CRYL1: variants seen among roughly 807,000 people sequenced by gnomAD.
CRYL1 encodes the protein crystallin lambda 1, also known as lambda-crystallin homolog.
A neutral mutation model predicts 36.6 loss-of-function variants in CRYL1; 29 were observed. The ratio of observed to expected loss-of-function variants is 0.79; its 90% confidence interval spans 0.59 to 1.08. The LOEUF (loss-of-function observed/expected upper bound fraction) is 1.08, where lower values mean the gene tolerates loss of function less well. Ranked by LOEUF, CRYL1 falls within the 50% of genes least tolerant of loss-of-function variation. CRYL1 has a pLI of 0.00. For synonymous variants in CRYL1, 152 were observed against 151.5 expected (o/e 1.00, Z -0.02); for missense variants, 411 against 407.9 (o/e 1.01, Z -0.06).
chr13:20,426,046 T>A (rs1035228814), intron 5 of CRYL1, among the ~76,000 whole-genome samples: 3 of 151,992 alleles, frequency 2.0e-5, no homozygotes, highest in Admixed American at 2.0e-4. Flanking sequence ...ACAATTTGCA[T>A]CCCTGCTCAG....
chr13:20,511,790 C>T (rs975277329), intron 2 of CRYL1, among the ~76,000 whole-genome samples: 1 of 152,210 alleles, frequency 6.6e-6, no homozygotes, highest in African/African-American at 2.4e-5. Context: ...GGCTTCTTTC[C>T]CCTGTCCTTG....
chr13:20,437,468 T>C (rs940750802), intron 4 of CRYL1, among the ~76,000 whole-genome samples: 3 of 152,088 alleles, frequency 2.0e-5, no homozygotes, highest in Non-Finnish European at 4.4e-5. Flanking sequence ...CCACCTCACC[T>C]GGCTAATTTT....
At chr13:20,520,293 C>T (rs1443780682) in intron 1 of CRYL1, among the ~76,000 whole-genome samples, 3 of 151,896 alleles carry the variant, frequency 2.0e-5, no homozygotes, top group Non-Finnish European at 2.9e-5. Context: ...AGAGAGGGTG[C>T]TTTTCTGTTT....
At chr13:20,456,629 CACACACACA>C (rs1032260337) in intron 3 of CRYL1, among the ~76,000 whole-genome samples, 5 of 39,920 alleles carry the variant, frequency 1.3e-4, no homozygotes, top group African/African-American at 5.1e-4. Flanking sequence ...CACACACACA[CACACACACA>C]AAGACCACGA....
intron 3 of CRYL1, among the ~76,000 whole-genome samples, chr13:20,445,206 C>G (rs1474291656): frequency 1.3e-5 from 2 of 152,046 alleles, no homozygotes; most frequent in African/African-American, 4.8e-5. Flanking sequence ...AGTGGGGAAC[C>G]CAGAGATATA....
intron 6 of CRYL1, among the ~76,000 whole-genome samples, chr13:20,411,045 GTTCTAGAT>G (rs1300275372): frequency 6.6e-6 from 1 of 152,298 alleles, no homozygotes; most frequent in East Asian, 1.9e-4. Flanking sequence ...ATTTGCACTA[GTTCTAGAT>G]AAATGGTAGC....
chr13:20,431,869 C>T, intron 5 of CRYL1: 1 of 1,475,840 alleles, frequency 6.8e-7, no homozygotes, highest in Non-Finnish European at 9.0e-7. Context: ...GTCCTGGTAT[C>T]AGGTGACTGT....
chr13:20,519,894 G>A (rs1300874779), intron 1 of CRYL1, among the ~76,000 whole-genome samples: 1 of 75,700 alleles, frequency 1.3e-5, no homozygotes, highest in Non-Finnish European at 3.5e-5. Flanking sequence ...AAGATATTAA[G>A]GAATTGTGTT....
rs373543552 is a variant in CRYL1 at position 20,432,289 on chromosome 13, G to T, written c.446C>A (p.Pro149Gln). 1.9e-6 allele frequency: 3 copies of T among 1,610,572 alleles called. No individual in the cohort carries two copies. Among genetic ancestry groups the T allele is most frequent in the Non-Finnish European group, 2.5e-6 (3 of 1,177,750 alleles). ...CTCAACCAGCGGGATGTAGTATGGCGGATTCACCTTAGGAGAGAGAGAGAA... is the reference window on the plus strand; with the variant it reads ...CTCAACCAGCGGGATGTAGTATGGCTGATTCACCTTAGGAGAGAGAGAGAA... ...KQCIVAHPVN[P>Q]PYYIPLVELV... The change falls in exon 5 of 8, where the codon CCG becomes CAG. Residue 149 changes from proline to glutamine, a missense_variant. Transcript: ENST00000298248.
intron 3 of CRYL1, among the ~76,000 whole-genome samples, chr13:20,447,668 G>GA (rs1170997619): frequency 3.3e-5 from 5 of 151,694 alleles, no homozygotes; most frequent in South Asian, 2.1e-4. Flanking sequence ...TACTAAGGAG[G>GA]AAAAAAAACC....
At chr13:20,439,546 CAG>C in intron 4 of CRYL1, 45 bp downstream of exon 4, 5 of 693,684 alleles carry the variant, frequency 7.2e-6, no homozygotes, top group Non-Finnish European at 1.0e-5. Flanking sequence ...AAAAAAAACA[CAG>C]AATGAGATGA....
At chr13:20,472,402 AT>A (rs2033078950) in intron 3 of CRYL1, among the ~76,000 whole-genome samples, 1 of 152,180 alleles carries the variant, frequency 6.6e-6, no homozygotes. Context: ...ACGATGCAGA[AT>A]CTGAGGGAGG....
In CRYL1 at chr13:20,490,675, G is replaced by T. The variant is rs73445970; in HGVS notation, c.150-1179C>A. Among the ~76,000 whole-genome samples, 466 of 152,120 alleles carry T rather than the reference G, an allele frequency of 3.1e-3. 4 individuals carry two copies. Among genetic ancestry groups the T allele is most frequent in the African/African-American group, 0.011 (450 of 41,482 alleles). On this transcript the variant is annotated intron_variant, in intron 2 of 7. Coordinates refer to ENST00000298248, the MANE Select transcript of CRYL1 (RefSeq NM_015974.3). ...GGCAGGGGATGGGGTGGGGGGGCAT[G>T]TTGGAAAACAGTGGTTCTTAATCCT...
chr13:20,512,484 G>A lies in CRYL1; in HGVS notation c.108C>T (p.Asp36=), dbSNP rs200362276. 7.6e-5 allele frequency: 122 copies of A among 1,613,982 alleles called. No individual in the cohort carries two copies. Among genetic ancestry groups the A allele is most frequent in the Non-Finnish European group, 2.3e-5 (27 of 1,179,986 alleles). The change falls in exon 2 of 8, where the codon GAC becomes GAT. Residue 36 remains aspartate, a synonymous_variant. Transcript: ENST00000298248. ...ASGGFQVKLY[D]IEQQQIRNAL... The stretch of plus-strand genomic sequence containing the variant: ...CGTTCCTTATCTGCTGTTGCTCAAT[G>A]TCATAGAGTTTCACCTGGAAGCCTC...
At chr13:20,482,739 CTG>C (rs148128861) in intron 3 of CRYL1, among the ~76,000 whole-genome samples, 25 of 150,832 alleles carry the variant, frequency 1.7e-4, no homozygotes, top group East Asian at 3.9e-4. Context: ...GGCAAGCAGT[CTG>C]TGTGTGTGTG....
intron 6 of CRYL1, among the ~76,000 whole-genome samples, chr13:20,409,662 C>A (rs1230219247): frequency 6.6e-6 from 1 of 151,994 alleles, no homozygotes; most frequent in Non-Finnish European, 1.5e-5. Flanking sequence ...CCAGAATCTA[C>A]AATGAACTCA....
In CRYL1 at chr13:20,522,911, C is replaced by CTTTTTTTTTTT. The variant is rs386378385; in HGVS notation, c.41+2832_41+2842dup. Among the ~76,000 whole-genome samples the CTTTTTTTTTTT allele has an allele frequency of 1.5e-3, 125 of 82,958 alleles. 9 individuals are homozygous for CTTTTTTTTTTT. The highest frequency in any genetic ancestry group is 2.0e-3 in the Non-Finnish European group (94 of 46,648). 54.4% of individuals were successfully genotyped at this position (82,958 alleles called of 152,430 possible). On this transcript the variant is annotated intron_variant, in intron 1 of 7. Transcript: ENST00000298248. ...TTTATCTTCATGATACCCATTTCTA[C>CTTTTTTTTTTT]TTTTTTTTTTTTTTTTTTTTTTTTG... is the stretch of plus-strand genomic sequence containing the variant.
Position 20,439,499 on chromosome 13 carries a change from G to A in CRYL1, c.438+94C>T, listed in dbSNP as rs2032303001. 35 of 1,008,274 alleles carry A rather than the reference G, an allele frequency of 3.5e-5. No homozygotes were observed. The South Asian group carries it at 5.9e-4, about 17-fold the overall frequency. The allele number at this position is 1,008,274 out of a possible 1,614,324, so 62.5% of individuals were successfully genotyped here. A position where few individuals can be genotyped will look rare whatever the true frequency, so the allele number is the denominator to read the frequency against. Reference sequence around the variant, plus strand: ...ACTAATGGATTACTCACAAGTTATTGACCCCCCTCCCCCGCAAAAAAAAAA... The same window carrying A: ...ACTAATGGATTACTCACAAGTTATTAACCCCCCTCCCCCGCAAAAAAAAAA... On this transcript the variant is annotated intron_variant, in intron 4 of 7. Transcript: ENST00000298248.
At position 20,436,910 on chromosome 13, in the gene CRYL1, G is replaced by C. The variant is rs372499197; in HGVS notation, c.438+2683C>G. Among the ~76,000 whole-genome samples the C allele has an allele frequency of 1.1e-4, 10 of 87,224 alleles. 1 individual carries two copies. The highest frequency in any genetic ancestry group is 3.5e-4 in the African/African-American group (10 of 28,980). The allele number at this position is 87,224 out of a possible 152,430, so 57.2% of individuals were successfully genotyped here. A position where few individuals can be genotyped will look rare whatever the true frequency, so the allele number is the denominator to read the frequency against. On this transcript the variant is annotated intron_variant, in intron 4 of 7. Coordinates refer to ENST00000298248, the MANE Select transcript of CRYL1 (RefSeq NM_015974.3). ...GGGTGGGCTCCTAGCTGGCCTGGGG[G>C]TGCTTCTCGGAAACTGGTTCCTCAG...
Sources: allele counts gnomAD v4.1 joint callset (sites outside exome capture counted in the v4.1 genomes callset), GRCh38; gene constraint gnomAD v4.1.1; transcripts MANE v1.5; gene names NCBI Gene and HGNC (gene_info 2026-07-23, HGNC 2026-07-21).